TMEM242: variants seen among roughly 807,000 people sequenced by gnomAD.
TMEM242 encodes the protein UPF0463 transmembrane protein C6orf35.
Under a neutral mutation model 18.2 loss-of-function variants are expected in TMEM242, and 10 were observed. That is an observed-to-expected ratio of 0.55 (90% confidence interval 0.34 to 0.93). The LOEUF is 0.93. Among genes scored for constraint, TMEM242 ranks in the 40% least tolerant of loss-of-function variants. The pLI is 0.02. For missense variants in TMEM242, 186 were observed against 175.5 expected, an observed-to-expected ratio of 1.06 and a Z score of -0.34; for synonymous variants, 57 against 69.9, an observed-to-expected ratio of 0.81 and a Z score of 0.92.
intron 2 of TMEM242, among the ~76,000 whole-genome samples, chr6:157,322,277 T>C (rs1347396808): frequency 1.3e-5 from 2 of 152,012 alleles, no homozygotes; most frequent in East Asian, 3.9e-4. Flanking sequence ...ACTACAGGAG[T>C]GCCACACCAC....
Position 157,290,186 on chromosome 6 carries a change from C to CT in TMEM242, c.*2714dup, listed in dbSNP as rs1777667213. 6.6e-6 allele frequency: 1 copy of CT among 152,172 alleles called. No homozygotes were observed. Among genetic ancestry groups the CT allele is most frequent in the South Asian group, 2.1e-4 (1 of 4,830 alleles). 9.4% of individuals were successfully genotyped at this position (152,172 alleles called of 1,614,324 possible). The stretch of plus-strand genomic sequence containing the variant: ...AATAGCTCTTTTGGGCGCTGAGACT[C>CT]TAAGTGTAAAGCTTAACACTCACCC... On this transcript the variant is annotated 3_prime_UTR_variant, in exon 4 of 4. Transcript: ENST00000400788.
rs1777657812 is a variant in TMEM242, at chr6:157,289,668, C to T, written c.*3233G>A. Reference sequence around the variant, plus strand: ...AGCTAAATTCAATGGATTTTAATTACTTTTATCCCCATGGGCTCCCCGTCC... The same window carrying T: ...AGCTAAATTCAATGGATTTTAATTATTTTTATCCCCATGGGCTCCCCGTCC... On this transcript the variant is annotated 3_prime_UTR_variant, in exon 4 of 4. Transcript: ENST00000400788. 6.6e-6 allele frequency: 1 copy of T among 152,170 alleles called. No homozygotes were observed. Among genetic ancestry groups the T allele is most frequent in the South Asian group, 2.1e-4 (1 of 4,830 alleles). 9.4% of individuals were successfully genotyped at this position (152,170 alleles called of 1,614,324 possible). A position where few individuals can be genotyped will look rare whatever the true frequency, so the allele number is the denominator to read the frequency against.
chr6:157,313,232 C>G (rs1236073316), intron 3 of TMEM242, among the ~76,000 whole-genome samples: 5 of 142,528 alleles, frequency 3.5e-5, no homozygotes, highest in African/African-American at 1.1e-4. Flanking sequence ...CTGGCCTCAT[C>G]ATAGTGTCGC....
At chr6:157,294,956 CTAAG>C (rs1330071553) in intron 3 of TMEM242, among the ~76,000 whole-genome samples, 1 of 152,164 alleles carries the variant, frequency 6.6e-6, no homozygotes, top group Non-Finnish European at 1.5e-5. Flanking sequence ...GGATTAAGGA[CTAAG>C]TGAGATGATG....
intron 3 of TMEM242, among the ~76,000 whole-genome samples, chr6:157,293,358 A>ACAAACAAACAAG: frequency 7.0e-6 from 1 of 141,962 alleles, no homozygotes; most frequent in South Asian, 2.3e-4. Context: ...CTCTTTAAAA[A>ACAAACAAACAAG]CAAACAAACA....
intron 3 of TMEM242, among the ~76,000 whole-genome samples, chr6:157,310,855 CACCT>C: frequency 7.3e-6 from 1 of 136,808 alleles, no homozygotes; most frequent in Non-Finnish European, 1.6e-5. Context: ...AGTGTGCACT[CACCT>C]AGCCTCATCA....
intron 3 of TMEM242, among the ~76,000 whole-genome samples, chr6:157,294,645 C>T (rs1583555031): frequency 6.6e-6 from 1 of 152,106 alleles, no homozygotes; most frequent in Non-Finnish European, 1.5e-5. Flanking sequence ...CCACCGCGCC[C>T]GGCCGCAAGT....
At chr6:157,315,660 T>C (rs142265596) in intron 3 of TMEM242, among the ~76,000 whole-genome samples, 138 of 152,340 alleles carry the variant, frequency 9.1e-4, no homozygotes, top group African/African-American at 2.4e-3. Flanking sequence ...GGATTCCACA[T>C]ATTCTTATAT....
At chr6:157,322,057 T>G (rs948798879) in intron 2 of TMEM242, among the ~76,000 whole-genome samples, 3 of 152,236 alleles carry the variant, frequency 2.0e-5, no homozygotes, top group African/African-American at 7.2e-5. Flanking sequence ...AACTTGACTT[T>G]TTATGATGTT....
At chr6:157,299,921 G>T in intron 3 of TMEM242, 1 of 1,611,072 alleles carries the variant, frequency 6.2e-7, no homozygotes, top group Non-Finnish European at 8.5e-7. Context: ...CATGCCCACC[G>T]ATCCAGTTCC....
At chr6:157,299,314 C>CT (rs1315380986) in intron 3 of TMEM242, 4 of 859,222 alleles carry the variant, frequency 4.7e-6, no homozygotes, top group Non-Finnish European at 8.1e-6. Context: ...CTAGCAATCA[C>CT]TTGTGGACAT....
chr6:157,312,904 C>A (rs62425592), intron 3 of TMEM242, among the ~76,000 whole-genome samples: 24 of 13,406 alleles, frequency 1.8e-3, no homozygotes, highest in South Asian at 5.3e-3. Flanking sequence ...TAGTGTCCCA[C>A]TGTGCGCTCA....
rs1777808479 is a variant in TMEM242 at position 157,300,179 on chromosome 6, G to A, written c.328-7180C>T. 12 of 509,608 alleles carry A rather than the reference G, an allele frequency of 2.4e-5. No homozygotes were observed. In the South Asian group the frequency reaches 2.5e-4, roughly 11 times the overall value. The allele number at this position is 509,608 out of a possible 1,614,324, so 31.6% of individuals were successfully genotyped here. A position where few individuals can be genotyped will look rare whatever the true frequency, so the allele number is the denominator to read the frequency against. ...AGAATGGAAGAAAACTGCTGACCAG[G>A]ACGTCGCAACGCCAAGAGAGCCATT... On this transcript the variant is annotated intron_variant, in intron 3 of 3. Coordinates refer to ENST00000400788, the MANE Select transcript of TMEM242 (RefSeq NM_018452.6).
At position 157,301,603 on chromosome 6, in the gene TMEM242, C is replaced by T. The variant is rs138266100; in HGVS notation, c.328-8604G>A. On this transcript the variant is annotated intron_variant, in intron 3 of 3. Transcript: ENST00000400788. ...TTGGGATTACAGGCATAAGCCAACG[C>T]GCCTGGCCGAAAAGCTATTCTTATT... is the stretch of plus-strand genomic sequence containing the variant. Among the ~76,000 whole-genome samples, 1,071 of 152,288 alleles carry T rather than the reference C, an allele frequency of 7.0e-3. 15 individuals are homozygous for T. The highest frequency in any genetic ancestry group is 0.025 in the African/African-American group (1,020 of 41,570).
At chr6:157,306,611 AGGG>A in intron 3 of TMEM242, among the ~76,000 whole-genome samples, 1 of 152,192 alleles carries the variant, frequency 6.6e-6, no homozygotes, top group Non-Finnish European at 1.5e-5. Flanking sequence ...CCTAGAGCTC[AGGG>A]TGTAAATGAA....
chr6:157,319,521 C>T (rs9355774), intron 2 of TMEM242, among the ~76,000 whole-genome samples: 50,349 of 152,102 alleles, frequency 0.33, 8,602 homozygotes, highest in South Asian at 0.46. Context: ...CTTGCACCTT[C>T]CTCTTTCTGT....
rs1554246920 is a variant in TMEM242 at position 157,292,917 on chromosome 6, G to A, written c.410C>T (p.Thr137Ile). The part of the protein sequence containing the change: ...NSESAVEWEE[T>I]LKSK Reference sequence around the variant, plus strand: ...ATGCTCATCTCATTTGGATTTCAATGTTTCCTCCCACTCAACAGCCGATTC... The same window carrying A: ...ATGCTCATCTCATTTGGATTTCAATATTTCCTCCCACTCAACAGCCGATTC... The change falls in exon 4 of 4, where the codon ACA becomes ATA. Residue 137 changes from threonine (T) to isoleucine (I), a missense_variant. Coordinates refer to ENST00000400788, the MANE Select transcript of TMEM242 (RefSeq NM_018452.6). The A allele has an allele frequency of 1.9e-6, 3 of 1,612,904 alleles. No individual in the cohort carries two copies. Among genetic ancestry groups the A allele is most frequent in the Middle Eastern group, 1.7e-4 (1 of 6,058 alleles).
chr6:157,314,706 A>G (rs1173778784), intron 3 of TMEM242, among the ~76,000 whole-genome samples: 1 of 152,252 alleles, frequency 6.6e-6, no homozygotes, highest in African/African-American at 2.4e-5. Flanking sequence ...AACAGTGTGT[A>G]AAATACACAT....
rs1777798919 is a variant in TMEM242, at chr6:157,299,536, A to G, written c.328-6537T>C. 5 of 1,489,930 alleles carry G rather than the reference A, an allele frequency of 3.4e-6. No individual in the cohort carries two copies. The South Asian group carries it at 4.6e-5, about 14-fold the overall frequency. 92.3% of individuals were successfully genotyped at this position (1,489,930 alleles called of 1,614,324 possible). On this transcript the variant is annotated intron_variant, in intron 3 of 3. Transcript: ENST00000400788. ...TATCCAGATTACAGCCGCTTCCAATAACACGGTTTTTGGAAAATGCACTCA... is the reference window on the plus strand; with the variant it reads ...TATCCAGATTACAGCCGCTTCCAATGACACGGTTTTTGGAAAATGCACTCA...
Sources: gnomAD v4.1 joint callset for allele counts (sites outside exome capture counted in the v4.1 genomes callset) on GRCh38, gnomAD v4.1.1 for gene constraint, MANE v1.5 for transcripts, NCBI Gene and HGNC (gene_info 2026-07-23, HGNC 2026-07-21) for gene names.